POLR3E: variants seen among roughly 807,000 people sequenced by gnomAD.
POLR3E encodes DNA-directed RNA polymerase III subunit RPC5.
A neutral mutation model predicts 96.6 loss-of-function variants in POLR3E; 41 were observed. The observed-to-expected ratio is 0.42, with a 90% CI of 0.33 to 0.55. POLR3E has a LOEUF of 0.55. Among genes scored for constraint, POLR3E ranks in the 20% least tolerant of loss-of-function variants. The pLI, the probability that POLR3E is intolerant of heterozygous loss-of-function variation, is 0.06. For missense variants in POLR3E, 849 were observed against 952.1 expected (o/e 0.89, Z 1.43); for synonymous variants, 396 against 383.6 (o/e 1.03, Z -0.38).
intron 18 of POLR3E, chr16:22,327,269 G>A (rs1254574172): frequency 1.3e-5 from 2 of 152,296 alleles, no homozygotes; most frequent in African/African-American, 2.4e-5. Flanking sequence ...AGGCCTTGTG[G>A]AGCCTAGGCT....
chr16:22,330,208 C>G (rs1481232171), intron 19 of POLR3E, among the ~76,000 whole-genome samples: 1 of 152,042 alleles, frequency 6.6e-6, no homozygotes. Context: ...GGATTACGGG[C>G]TTGTGCTGCC....
chr16:22,298,515 C>T (rs748629644), intron 1 of POLR3E, among the ~76,000 whole-genome samples: 1 of 152,172 alleles, frequency 6.6e-6, no homozygotes, highest in Admixed American at 6.5e-5. Context: ...GAATACCAAA[C>T]CCAGACAACT....
intron 18 of POLR3E, chr16:22,326,545 T>A: frequency 1.3e-5 from 7 of 538,404 alleles, no homozygotes; most frequent in East Asian, 3.3e-5. Flanking sequence ...CAGGGCCTAG[T>A]GAAACAGGGC....
chr16:22,314,945 G>A (rs2048323503), intron 8 of POLR3E, 144 bp from the exon 9 acceptor site: 2 of 805,156 alleles, frequency 2.5e-6, no homozygotes, highest in Admixed American at 5.8e-5. Context: ...GGTTGGAACG[G>A]AATTTAAACG....
chr16:22,321,037 G>A (rs1471529018), intron 13 of POLR3E, among the ~76,000 whole-genome samples: 1 of 152,156 alleles, frequency 6.6e-6, no homozygotes, highest in Non-Finnish European at 1.5e-5. Context: ...CAGGTCTTGA[G>A]CGTGGGGCTT....
chr16:22,331,877 T>C, intron 19 of POLR3E, 183 bp from the exon 20 acceptor site: 1 of 572,412 alleles, frequency 1.7e-6, no homozygotes, highest in South Asian at 2.1e-5. Context: ...TGTTTTTATT[T>C]CTGTACACTG....
At position 22,309,479 on chromosome 16, in the gene POLR3E, A is replaced by G; in HGVS notation, c.333A>G (p.Thr111=). The G allele has an allele frequency of 1.9e-6, 3 of 1,613,784 alleles. No individual in the cohort carries two copies. Among genetic ancestry groups the G allele is most frequent in the Non-Finnish European group, 2.5e-6 (3 of 1,179,880 alleles). The change falls in exon 6 of 21, where the codon ACA becomes ACG. Residue 111 remains threonine, a synonymous_variant. Coordinates refer to ENST00000299853, the MANE Select transcript of POLR3E (RefSeq NM_018119.4). ...TFCSSQTTSN[T]SRYAAALYRQ... is the part of the protein sequence containing the mutation. ...GCTCTTCCCAGACCACCAGTAACAC[A>G]TCCCGTTATGCCGCTGCACTCTACA...
At chr16:22,324,064 T>G (rs1276119264) in intron 14 of POLR3E, among the ~76,000 whole-genome samples, 1 of 148,166 alleles carries the variant, frequency 6.7e-6, no homozygotes, top group African/African-American at 2.6e-5. Context: ...GTCCTCATCG[T>G]ATCCTCGGAG....
Position 22,326,302 on chromosome 16 carries a change from G to C in POLR3E, c.1866+24G>C, listed in dbSNP as rs559353776. On this transcript the variant is annotated intron_variant, in intron 18 of 20. Transcript: ENST00000299853. ...CTGTAAGTAGAGCCCTGCCTGCCAG[G>C]GGCATGGGGGGTGGGGGGTGGGGAG... 60 of 639,460 alleles carry C rather than the reference G, an allele frequency of 9.4e-5. No individual in the cohort carries two copies. In the African/African-American group the frequency reaches 1.1e-3, roughly 12 times the overall value. 39.6% of individuals were successfully genotyped at this position (639,460 alleles called of 1,614,324 possible). A position where few individuals can be genotyped will look rare whatever the true frequency, so the allele number is the denominator to read the frequency against.
At chr16:22,316,517 T>C in intron 9 of POLR3E, 84 bp from the exon 10 acceptor site, 1 of 999,914 alleles carries the variant, frequency 1.0e-6, no homozygotes, top group South Asian at 1.4e-5. Context: ...GGCCATGGAG[T>C]GGAAGACGGG....
At chr16:22,303,087 G>A (rs908896819) in intron 2 of POLR3E, 83 bp downstream of exon 2, 5 of 1,269,438 alleles carry the variant, frequency 3.9e-6, no homozygotes, top group Non-Finnish European at 5.8e-6. Context: ...GGCCAGTCTG[G>A]GACCTGTTGA....
chr16:22,306,060 G>A (rs1020137334), intron 3 of POLR3E, among the ~76,000 whole-genome samples: 3 of 151,936 alleles, frequency 2.0e-5, no homozygotes, highest in African/African-American at 4.8e-5. Flanking sequence ...ATCAGTCTGT[G>A]CCCCCCATTC....
At chr16:22,332,696 C>T (rs2048766053) in intron 20 of POLR3E, among the ~76,000 whole-genome samples, 2 of 152,044 alleles carry the variant, frequency 1.3e-5, no homozygotes, top group Non-Finnish European at 2.9e-5. Flanking sequence ...GTTGCCATAG[C>T]CACACACATG....
rs943885350 is a variant in POLR3E at position 22,313,140 on chromosome 16, A to G, written c.365-480A>G. On this transcript the variant is annotated intron_variant, in intron 6 of 20. Coordinates refer to ENST00000299853, the MANE Select transcript of POLR3E (RefSeq NM_018119.4). This position sits in a 1 kb window ranked among gnomAD's most constrained non-coding sequence, Gnocchi z 4.1. ...TTCTAGCAGGGCCTCTTCTCCAGCC[A>G]CAGTGGCACTAGTGGACTTCCTAGT... Among the ~76,000 whole-genome samples, 3 of 152,236 alleles carry G rather than the reference A, an allele frequency of 2.0e-5. No homozygotes were observed. The highest frequency in any genetic ancestry group is 7.2e-5 in the African/African-American group (3 of 41,558).
rs576808388 is a variant in POLR3E at position 22,308,293 on chromosome 16, C to T, written c.165+68C>T. ...TGATGAGGGTGGGAGCTGGTGGAGG[C>T]GAGAAGCTCAGAGAAGGAGTCATTG... On this transcript the variant is annotated intron_variant, in intron 4 of 20. Coordinates refer to ENST00000299853, the MANE Select transcript of POLR3E (RefSeq NM_018119.4). 2.9e-5 allele frequency: 36 copies of T among 1,240,598 alleles called. No homozygotes were observed. The South Asian group carries it at 3.1e-4, about 11-fold the overall frequency. The allele number at this position is 1,240,598 out of a possible 1,614,324, so 76.8% of individuals were successfully genotyped here. A position where few individuals can be genotyped will look rare whatever the true frequency, so the allele number is the denominator to read the frequency against.
rs561760748 is a variant in POLR3E at position 22,326,363 on chromosome 16, G to T, written c.1866+85G>T. On this transcript the variant is annotated intron_variant, in intron 18 of 20. Transcript: ENST00000299853. ...TGGGAGGCCACGTGGGGACACGGGA[G>T]GCCATGCTTGGTGAGCATCTGCTCT... 1.2e-3 allele frequency: 1,409 copies of T among 1,180,506 alleles called. 2 individuals carry two copies. The highest frequency in any genetic ancestry group is 1.5e-3 in the Non-Finnish European group (1,223 of 822,832). 73.1% of individuals were successfully genotyped at this position (1,180,506 alleles called of 1,614,324 possible).
chr16:22,328,258 C>G, intron 18 of POLR3E: 1 of 510,092 alleles, frequency 2.0e-6, no homozygotes, highest in Non-Finnish European at 3.6e-6. Flanking sequence ...GGGCATTTCA[C>G]TGGGCCCATC....
At chr16:22,330,728 A>G in intron 19 of POLR3E, among the ~76,000 whole-genome samples, 1 of 152,172 alleles carries the variant, frequency 6.6e-6, no homozygotes, top group East Asian at 1.9e-4. Flanking sequence ...AATGGATTAC[A>G]ATACAGTATT....
chr16:22,302,738 T>C, intron 1 of POLR3E, 193 bp from the exon 2 acceptor site: 1 of 586,686 alleles, frequency 1.7e-6, no homozygotes, highest in East Asian at 2.8e-5. Flanking sequence ...TGAGTGTTTC[T>C]TTTTTTCTTT....
Sources: allele counts gnomAD v4.1 joint callset (sites outside exome capture counted in the v4.1 genomes callset), GRCh38; gene constraint gnomAD v4.1.1; non-coding constraint Gnocchi (gnomAD v3.1); transcripts MANE v1.5; gene names NCBI Gene and HGNC (gene_info 2026-07-23, HGNC 2026-07-21).